PASD1: variants seen among roughly 807,000 people sequenced by gnomAD.
PASD1 encodes the protein circadian clock protein PASD1.
In PASD1, 13 loss-of-function variants were observed where a neutral mutation model predicts 58.8. The observed-to-expected ratio is 0.22, with a 90% CI of 0.14 to 0.35. The LOEUF is 0.35. Among genes scored for constraint, PASD1 ranks in the 10% least tolerant of loss-of-function variants. The pLI is 1.00. For synonymous variants in PASD1, 236 were observed against 216.7 expected (o/e 1.09, Z -0.78); for missense variants, 734 against 568.3 (o/e 1.29, Z -2.96).
At chrX:151,647,377 T>G (rs1243239168) in intron 8 of PASD1, among the ~76,000 whole-genome samples, 2 of 111,191 alleles carry the variant, frequency 1.8e-5, no homozygotes, top group Non-Finnish European at 3.8e-5. Context: ...TATAGGAATT[T>G]TGTTTTTAAA....
At chrX:151,667,230 T>C (rs1298429009) in intron 11 of PASD1, among the ~76,000 whole-genome samples, 2 of 111,894 alleles carry the variant, frequency 1.8e-5, no homozygotes, top group Non-Finnish European at 3.8e-5. Context: ...GTTGATGGGG[T>C]TGTTTGTTTC....
chrX:151,655,100 G>A (rs1421710009), intron 9 of PASD1, among the ~76,000 whole-genome samples: 4 of 110,905 alleles, frequency 3.6e-5, no homozygotes, highest in Admixed American at 1.9e-4. Flanking sequence ...GAGAACATGC[G>A]GTGTTTGGTT....
intron 11 of PASD1, among the ~76,000 whole-genome samples, chrX:151,667,993 T>G (rs1013685560): frequency 7.2e-5 from 8 of 111,666 alleles, no homozygotes; most frequent in Non-Finnish European, 1.5e-4. Context: ...TTTCACGATA[T>G]TGATTCTTTC....
At chrX:151,673,507 C>T (rs2014504647) in intron 14 of PASD1, 1 of 157,200 alleles carries the variant, frequency 6.4e-6, no homozygotes, top group South Asian at 1.9e-4. Flanking sequence ...GGATGGGGTT[C>T]AAAAATCTGT....
chrX:151,579,375 A>G (rs1005256036), intron 1 of PASD1, among the ~76,000 whole-genome samples: 2 of 112,114 alleles, frequency 1.8e-5, no homozygotes, highest in African/African-American at 6.5e-5. Flanking sequence ...GTGAGGAAAT[A>G]TATATAAAAT....
At chrX:151,615,208 TGTTA>T (rs2013622633) in intron 4 of PASD1, among the ~76,000 whole-genome samples, 1 of 105,776 alleles carries the variant, frequency 9.5e-6, no homozygotes, top group African/African-American at 3.3e-5. Flanking sequence ...ATAGTGATGG[TGTTA>T]GTTATGATAT....
chrX:151,586,579 T>C (rs1487628820), intron 1 of PASD1, among the ~76,000 whole-genome samples: 3 of 111,460 alleles, frequency 2.7e-5, no homozygotes, highest in Non-Finnish European at 3.8e-5. Flanking sequence ...GGACCTAGTA[T>C]GTATGTAGTA....
chrX:151,593,625 T>A (rs1474781570), intron 1 of PASD1, among the ~76,000 whole-genome samples: 1 of 111,793 alleles, frequency 8.9e-6, no homozygotes, highest in Non-Finnish European at 1.9e-5. Flanking sequence ...GTGCCACATT[T>A]TCTGAATCCA....
intron 1 of PASD1, among the ~76,000 whole-genome samples, chrX:151,587,609 A>G (rs1271342311): frequency 4.4e-5 from 1 of 22,964 alleles, no homozygotes; most frequent in South Asian, 8.1e-3. Flanking sequence ...ATTCCCTCAC[A>G]ACGTTGGCTC....
At chrX:151,645,556 G>C (rs759498603) in intron 8 of PASD1, 1 of 112,098 alleles carries the variant, frequency 8.9e-6, no homozygotes, top group South Asian at 3.7e-4. Context: ...TGAAGGGCTC[G>C]ATTTAAGAGT....
intron 1 of PASD1, among the ~76,000 whole-genome samples, chrX:151,599,484 C>G (rs759246260): frequency 9.2e-6 from 1 of 109,131 alleles, no homozygotes; most frequent in East Asian, 3.0e-4. Flanking sequence ...GGCTGCCGGG[C>G]GGAGACGCTC....
At chrX:151,613,157 G>A (rs1199326065) in intron 4 of PASD1, among the ~76,000 whole-genome samples, 2 of 111,145 alleles carry the variant, frequency 1.8e-5, no homozygotes, top group South Asian at 7.7e-4. Flanking sequence ...TGAGGGCTCT[G>A]TTCTGTTCCA....
intron 3 of PASD1, among the ~76,000 whole-genome samples, chrX:151,608,246 A>G (rs1214698851): frequency 5.4e-5 from 6 of 111,901 alleles, no homozygotes; most frequent in African/African-American, 1.6e-4. Flanking sequence ...ATTTTTGTCA[A>G]TTGGGTGGGA....
At chrX:151,610,306 G>A (rs1371723771) in intron 3 of PASD1, among the ~76,000 whole-genome samples, 1 of 110,990 alleles carries the variant, frequency 9.0e-6, no homozygotes, top group Non-Finnish European at 1.9e-5. Flanking sequence ...TTTTATTTCT[G>A]GCTGTGTTCT....
At chrX:151,578,695 T>C (rs2013045759) in intron 1 of PASD1, among the ~76,000 whole-genome samples, 1 of 111,999 alleles carries the variant, frequency 8.9e-6, no homozygotes, top group Non-Finnish European at 1.9e-5. Flanking sequence ...TTAGATGCTG[T>C]TGCTTGGGGA....
chrX:151,590,196 C>T, intron 1 of PASD1, among the ~76,000 whole-genome samples: 1 of 112,097 alleles, frequency 8.9e-6, no homozygotes, highest in South Asian at 3.8e-4. Flanking sequence ...AGACATTTCA[C>T]ATGGAACTGC....
chrX:151,621,404 T>C (rs1467565302), intron 5 of PASD1, 78 bp from the exon 6 acceptor site: 8 of 739,658 alleles, frequency 1.1e-5, no homozygotes, highest in Non-Finnish European at 1.6e-5. Context: ...AGAAAGACAT[T>C]GGTCATATGA....
chrX:151,664,841 C>A (rs761956629), intron 11 of PASD1, among the ~76,000 whole-genome samples: 13 of 111,702 alleles, frequency 1.2e-4, no homozygotes, highest in African/African-American at 3.6e-4. Context: ...ATATACCCAA[C>A]CTTGAAACAT....
chrX:151,662,759 A>T (rs1325661556), intron 10 of PASD1, among the ~76,000 whole-genome samples: 3 of 112,175 alleles, frequency 2.7e-5, no homozygotes, highest in Non-Finnish European at 5.6e-5. Context: ...GGCTTTCATT[A>T]TCTATGGTAT....
Sources: gnomAD v4.1 joint callset for allele counts (sites outside exome capture counted in the v4.1 genomes callset) on GRCh38, gnomAD v4.1.1 for gene constraint, MANE v1.5 for transcripts, NCBI Gene and HGNC (gene_info 2026-07-23, HGNC 2026-07-21) for gene names.